RANBP2: variants seen among roughly 807,000 people sequenced by gnomAD.
The protein encoded by RANBP2 is RAN binding protein 2, also known as E3 SUMO-protein ligase RanBP2.
RANBP2 carries 57 observed loss-of-function variants against 303.6 expected under a neutral mutation model. That is an observed-to-expected ratio of 0.19 (90% CI 0.15 to 0.23). RANBP2 has a LOEUF of 0.23. RANBP2 is among the 10% of genes least tolerant of loss of function. RANBP2 has a pLI of 1.00. For missense variants in RANBP2, 3,138 were observed against 3,780.8 expected, an observed-to-expected ratio of 0.83 and a Z score of 4.46; for synonymous variants, 1,167 against 1,301.5, an observed-to-expected ratio of 0.90 and a Z score of 2.23.
At chr2:109,330,340 C>G in the RANBP2 span, among the ~76,000 whole-genome samples, 1 of 152,186 alleles carries the variant, frequency 6.6e-6, no homozygotes, top group South Asian at 2.1e-4. Context: ...GTGCCTATCT[C>G]TCTCCGTCTC....
the RANBP2 span, among the ~76,000 whole-genome samples, chr2:109,518,566 C>T: frequency 3.9e-5 from 6 of 152,352 alleles, no homozygotes; most frequent in Non-Finnish European, 8.8e-5. Context: ...CTTGTTGCTT[C>T]TGCTGGACAT....
At chr2:109,602,178 T>TTGTTGA in the RANBP2 span, among the ~76,000 whole-genome samples, 1 of 152,198 alleles carries the variant, frequency 6.6e-6, no homozygotes, top group Non-Finnish European at 1.5e-5. Context: ...AACAATTTTC[T>TTGTTGA]AAGATCCCTT....
chr2:109,129,832 C>G, the RANBP2 span: 2 of 1,536,422 alleles, frequency 1.3e-6, no homozygotes, highest in Non-Finnish European at 8.7e-7. Context: ...CCCCGAGTGC[C>G]GCATCCTGGT....
the RANBP2 span, among the ~76,000 whole-genome samples, chr2:109,071,053 G>T: frequency 1.3e-5 from 2 of 152,162 alleles, no homozygotes; most frequent in East Asian, 1.9e-4. Context: ...TTTATTTATA[G>T]CTACTACAAG....
the RANBP2 span, among the ~76,000 whole-genome samples, chr2:109,053,312 A>G: frequency 7.2e-4 from 109 of 152,386 alleles, no homozygotes; most frequent in Non-Finnish European, 1.4e-3. Context: ...AAGCAGGAGC[A>G]TGCAGGATGG....
At chr2:109,436,943 C>T in the RANBP2 span, 5 of 1,613,796 alleles carry the variant, frequency 3.1e-6, no homozygotes, top group Admixed American at 8.3e-5. Context: ...GTCGGAGGGT[C>T]TCCACTGGCC....
chr2:109,510,300 G>C, the RANBP2 span, among the ~76,000 whole-genome samples: 1 of 152,164 alleles, frequency 6.6e-6, no homozygotes, highest in Non-Finnish European at 1.5e-5. Context: ...AAACTGTGTC[G>C]GGAGCTCCCT....
chr2:108,742,078 C>T (rs1696151873), intron 7 of RANBP2, among the ~76,000 whole-genome samples: 1 of 151,800 alleles, frequency 6.6e-6, no homozygotes, highest in South Asian at 2.1e-4. Flanking sequence ...TCACTGCAAC[C>T]TCTGCCTTCC....
chr2:109,495,477 C>CTTTTTTTTTTTTTTTTTTT, the RANBP2 span, among the ~76,000 whole-genome samples: 1 of 94,240 alleles, frequency 1.1e-5, no homozygotes, highest in Non-Finnish European at 2.0e-5. Context: ...TCTTTCATTC[C>CTTTTTTTTTTTTTTTTTTT]TTTTTTTTTT....
the RANBP2 span, among the ~76,000 whole-genome samples, chr2:108,908,534 G>A: frequency 6.6e-6 from 1 of 152,120 alleles, no homozygotes; most frequent in Admixed American, 6.5e-5. Context: ...CTAGGGGGGT[G>A]ACCTGGCTGA....
chr2:109,266,776 G>A, the RANBP2 span, among the ~76,000 whole-genome samples: 3 of 152,182 alleles, frequency 2.0e-5, no homozygotes, highest in South Asian at 2.1e-4. Flanking sequence ...AGGGGTGAGC[G>A]TGTGCCCACT....
chr2:109,233,975 CCAGTTTTTGG>C, the RANBP2 span, among the ~76,000 whole-genome samples: 1 of 152,264 alleles, frequency 6.6e-6, no homozygotes, highest in South Asian at 2.1e-4. Flanking sequence ...TGAATTGTTT[CCAGTTTTTGG>C]CAGTCATTGA....
chr2:109,023,060 GA>G, the RANBP2 span, among the ~76,000 whole-genome samples: 2 of 151,766 alleles, frequency 1.3e-5, no homozygotes, highest in Non-Finnish European at 2.9e-5. Flanking sequence ...CAAAAAAAAA[GA>G]AAAAAAGAAT....
chr2:109,353,774 C>T, the RANBP2 span, among the ~76,000 whole-genome samples: 1 of 152,204 alleles, frequency 6.6e-6, no homozygotes, highest in Non-Finnish European at 1.5e-5. Context: ...GAGAGTCTCC[C>T]CTGCCCGTGT....
chr2:109,174,777 T>A, the RANBP2 span, among the ~76,000 whole-genome samples: 11 of 152,358 alleles, frequency 7.2e-5, no homozygotes, highest in African/African-American at 2.6e-4. Context: ...GCTCACTCGC[T>A]GGAGCCCTGC....
the RANBP2 span, among the ~76,000 whole-genome samples, chr2:109,413,760 C>A: frequency 3.9e-5 from 6 of 152,214 alleles, no homozygotes; most frequent in Non-Finnish European, 8.8e-5. Context: ...TTGCAGACTT[C>A]TCTGTTACTA....
chr2:109,114,980 G>A, the RANBP2 span, among the ~76,000 whole-genome samples: 2 of 152,226 alleles, frequency 1.3e-5, no homozygotes, highest in African/African-American at 4.8e-5. Context: ...TGGTTTGATT[G>A]CACTGTGGTC....
chr2:109,352,408 C>T, the RANBP2 span, among the ~76,000 whole-genome samples: 1,448 of 152,264 alleles, frequency 9.5e-3, 11 homozygotes, highest in African/African-American at 0.022. Context: ...CTGGGGGTAG[C>T]GGAGCTGAGC....
chr2:108,896,248 G>T, the RANBP2 span: 1 of 152,442 alleles, frequency 6.6e-6, no homozygotes, highest in African/African-American at 2.4e-5. Context: ...TGACCTCAAG[G>T]ATAGGTAAAA....
Sources: allele counts gnomAD v4.1 joint callset (sites outside exome capture counted in the v4.1 genomes callset), GRCh38; gene constraint gnomAD v4.1.1; transcripts MANE v1.5; gene names NCBI Gene and HGNC (gene_info 2026-07-23, HGNC 2026-07-21).